Variants in ADD3 observed in about 807,000 individuals in gnomAD.
ADD3 encodes adducin 3, also known as gamma-adducin.
ADD3 carries 25 observed loss-of-function variants against 80.2 expected under a neutral mutation model. The observed-to-expected ratio is 0.31, with a 90% CI of 0.23 to 0.44. The LOEUF (loss-of-function observed/expected upper bound fraction) is 0.44, where lower values mean the gene tolerates loss of function less well. Ranked by LOEUF, ADD3 falls within the 20% of genes least tolerant of loss-of-function variation. ADD3 has a pLI of 1.00. For synonymous variants in ADD3, 284 were observed against 289.6 expected, an observed-to-expected ratio of 0.98 and a Z score of 0.20; for missense variants, 829 against 847.5, an observed-to-expected ratio of 0.98 and a Z score of 0.27.
chr10:110,046,763 G>A (rs1420349755), intron 1 of ADD3, among the ~76,000 whole-genome samples: 3 of 152,156 alleles, frequency 2.0e-5, no homozygotes, highest in South Asian at 2.1e-4. Flanking sequence ...AAATCACTTA[G>A]CATGATGCCT....
intron 1 of ADD3, among the ~76,000 whole-genome samples, chr10:110,045,834 A>G (rs576264450): frequency 1.3e-5 from 2 of 152,354 alleles, no homozygotes; most frequent in Non-Finnish European, 2.9e-5. Context: ...ACTCTCGTAC[A>G]TACTGTAGTC....
intron 13 of ADD3, among the ~76,000 whole-genome samples, chr10:110,131,565 G>T (rs1251156886): frequency 6.6e-6 from 1 of 152,178 alleles, no homozygotes; most frequent in African/African-American, 2.4e-5. Flanking sequence ...TATCATTTAG[G>T]AAGAACTAAT....
intron 2 of ADD3, among the ~76,000 whole-genome samples, chr10:110,106,831 CT>C (rs34466046): frequency 2.0e-5 from 3 of 151,968 alleles, no homozygotes; most frequent in Non-Finnish European, 2.9e-5. Context: ...AATTAAATGG[CT>C]TTTTAAAAGT....
intron 1 of ADD3, among the ~76,000 whole-genome samples, chr10:110,063,373 ATTTC>A (rs1482231164): frequency 6.6e-6 from 1 of 152,082 alleles, no homozygotes; most frequent in African/African-American, 2.4e-5. Flanking sequence ...ATTTTCTTGA[ATTTC>A]TTTATTTATT....
intron 1 of ADD3, among the ~76,000 whole-genome samples, chr10:110,012,197 G>A (rs1441225351): frequency 1.3e-5 from 2 of 152,166 alleles, no homozygotes; most frequent in East Asian, 3.8e-4. Flanking sequence ...AGTACCAACA[G>A]TATGCATAGA....
chr10:110,037,198 C>T (rs896339903), intron 1 of ADD3, among the ~76,000 whole-genome samples: 42 of 152,344 alleles, frequency 2.8e-4, no homozygotes, highest in Non-Finnish European at 5.3e-4. Flanking sequence ...GCCAGTTAAA[C>T]ACACATCAGT....
intron 1 of ADD3, among the ~76,000 whole-genome samples, chr10:110,067,946 A>C (rs1428989298): frequency 1.3e-5 from 2 of 151,858 alleles, no homozygotes; most frequent in South Asian, 4.2e-4. Flanking sequence ...TTTTAAAGGG[A>C]TAACTATTTA....
intron 10 of ADD3, 118 bp downstream of exon 10, chr10:110,124,392 C>G: frequency 8.3e-7 from 1 of 1,210,884 alleles, no homozygotes; most frequent in Non-Finnish European, 1.1e-6. Context: ...ATATTACTGT[C>G]ACTTATCTGG....
intron 1 of ADD3, among the ~76,000 whole-genome samples, chr10:110,015,666 G>C (rs978169303): frequency 6.7e-6 from 1 of 148,692 alleles, no homozygotes. Context: ...GAGCCACTGC[G>C]CCTGGCAGAA....
intron 1 of ADD3, among the ~76,000 whole-genome samples, chr10:110,017,642 T>C (rs1417737102): frequency 6.6e-6 from 1 of 152,184 alleles, no homozygotes; most frequent in Non-Finnish European, 1.5e-5. Flanking sequence ...GGTAGTACTT[T>C]TCAATATGGC....
intron 1 of ADD3, among the ~76,000 whole-genome samples, chr10:110,011,593 C>T (rs539105227): frequency 6.6e-6 from 1 of 152,278 alleles, no homozygotes; most frequent in Admixed American, 6.5e-5. Flanking sequence ...ATAATTAGTG[C>T]TTTTCAGATT....
chr10:110,078,986 A>G (rs770370652), intron 1 of ADD3, among the ~76,000 whole-genome samples: 29 of 152,202 alleles, frequency 1.9e-4, no homozygotes, highest in Non-Finnish European at 2.5e-4. Flanking sequence ...TCCTAAATAC[A>G]TAATATAAAG....
At position 110,133,268 on chromosome 10, in the gene ADD3, G is replaced by A. The variant is rs1048620762; in HGVS notation, c.1829-58G>A. The A allele has an allele frequency of 1.4e-5, 21 of 1,499,900 alleles. No homozygotes were observed. In the African/African-American group the frequency reaches 1.5e-4, roughly 11 times the overall value. The allele number at this position is 1,499,900 out of a possible 1,614,324, so 92.9% of individuals were successfully genotyped here. On this transcript the variant is annotated intron_variant, in intron 14 of 14. Transcript: ENST00000356080. Reference sequence around the variant, plus strand: ...TGCTAAAACATTTCAGTTTTGTAAAGTAGAGCAAAAATGTTAAGTATGTAA... The same window carrying A: ...TGCTAAAACATTTCAGTTTTGTAAAATAGAGCAAAAATGTTAAGTATGTAA...
intron 10 of ADD3, among the ~76,000 whole-genome samples, chr10:110,124,748 GAGAAATGGGTTATTTT>G (rs1356099647): frequency 6.6e-6 from 1 of 152,186 alleles, no homozygotes; most frequent in Non-Finnish European, 1.5e-5. Context: ...CTTGTAGGTA[GAGAAATGGGTTATTTT>G]ATCTTTTTCA....
intron 2 of ADD3, chr10:110,105,903 A>C: frequency 6.6e-6 from 1 of 152,358 alleles, no homozygotes; most frequent in East Asian, 1.9e-4. Context: ...CAAGAAAAAT[A>C]TTCTAACCTT....
Position 110,043,597 on chromosome 10 carries a change from TC to T in ADD3, c.-30+35300del, listed in dbSNP as rs1443210463. Among the ~76,000 whole-genome samples, 14 of 152,370 alleles carry T rather than the reference TC, an allele frequency of 9.2e-5. No individual in the cohort carries two copies. In the East Asian group the frequency reaches 2.5e-3, roughly 27 times the overall value. Reference sequence around the variant, plus strand: ...CACATTTTTTCCACTGCATAAGTTCTCCTAAGAGTAGATTGGGAAATTGTAA... The same window carrying T: ...CACATTTTTTCCACTGCATAAGTTCTCTAAGAGTAGATTGGGAAATTGTAA... On this transcript the variant is annotated intron_variant, in intron 1 of 14. Coordinates refer to ENST00000356080, the MANE Select transcript of ADD3 (RefSeq NM_016824.5).
intron 1 of ADD3, 97 bp from the exon 2 acceptor site, chr10:110,100,528 A>G (rs927026141): frequency 6.9e-6 from 5 of 721,338 alleles, no homozygotes; most frequent in African/African-American, 1.8e-5. Context: ...GCACCTGTTA[A>G]CTCTGAGGGC....
At chr10:110,047,535 A>C (rs1439491105) in intron 1 of ADD3, among the ~76,000 whole-genome samples, 1 of 152,204 alleles carries the variant, frequency 6.6e-6, no homozygotes, top group Non-Finnish European at 1.5e-5. Flanking sequence ...AGGCCTAGAT[A>C]ATTTTTTAAT....
At chr10:110,048,546 G>T (rs1453662728) in intron 1 of ADD3, among the ~76,000 whole-genome samples, 1 of 152,138 alleles carries the variant, frequency 6.6e-6, no homozygotes, top group East Asian at 1.9e-4. Context: ...GGCTGAGGTG[G>T]TCTTAGATGG....
Sources: gnomAD v4.1 joint callset for allele counts (sites outside exome capture counted in the v4.1 genomes callset) on GRCh38, gnomAD v4.1.1 for gene constraint, MANE v1.5 for transcripts, NCBI Gene and HGNC (gene_info 2026-07-23, HGNC 2026-07-21) for gene names.